Variants in HS3ST4 observed in about 807,000 individuals in gnomAD.
The protein encoded by HS3ST4 is heparan sulfate-glucosamine 3-sulfotransferase 4, also known as heparan sulfate glucosamine 3-O-sulfotransferase 4.
In HS3ST4, 17 loss-of-function variants were observed where a neutral mutation model predicts 29.2. That is an observed-to-expected ratio of 0.58 (90% CI 0.40 to 0.87). The LOEUF (loss-of-function observed/expected upper bound fraction) is 0.87. Ranked by LOEUF, HS3ST4 falls within the 40% of genes least tolerant of loss-of-function variation. The probability of loss-of-function intolerance (pLI) is 0.00; values close to 1 mark genes in which losing one functional copy is unlikely to be tolerated. For missense variants in HS3ST4, 627 were observed against 634.5 expected, an observed-to-expected ratio of 0.99 and a Z score of 0.13; for synonymous variants, 314 against 285.7, an observed-to-expected ratio of 1.10 and a Z score of -1.00.
At chr16:25,753,536 G>A (rs1420530338) in intron 1 of HS3ST4, among the ~76,000 whole-genome samples, 4 of 151,590 alleles carry the variant, frequency 2.6e-5, no homozygotes, top group Middle Eastern at 3.4e-3. Context: ...AGCTCTTTAC[G>A]CATTTGTGTT....
chr16:26,113,070 G>A (rs866001898), intron 1 of HS3ST4, among the ~76,000 whole-genome samples: 3 of 152,192 alleles, frequency 2.0e-5, no homozygotes, highest in Non-Finnish European at 4.4e-5. Context: ...AAATGAGTAA[G>A]TAGTGCCATA....
intron 1 of HS3ST4, among the ~76,000 whole-genome samples, chr16:26,047,287 C>T (rs1271862318): frequency 6.6e-6 from 1 of 152,174 alleles, no homozygotes; most frequent in African/African-American, 2.4e-5. Flanking sequence ...AAGTGCCTGG[C>T]TTTATTTTTC....
At chr16:26,080,936 G>C (rs1409507879) in intron 1 of HS3ST4, among the ~76,000 whole-genome samples, 1 of 152,150 alleles carries the variant, frequency 6.6e-6, no homozygotes, top group Admixed American at 6.5e-5. Context: ...CGGACCAGCA[G>C]CTAAGAGCTT....
Position 25,697,823 on chromosome 16 carries a change from C to T in HS3ST4, c.734+4672C>T, listed in dbSNP as rs149923198. On this transcript the variant is annotated intron_variant, in intron 1 of 1. Coordinates refer to ENST00000331351, the MANE Select transcript of HS3ST4 (RefSeq NM_006040.3). ...GAGTAGCTGGGACTACAGGTGCGCA[C>T]CACCACGTCCAGCAAATTTTTGTAT... Among the ~76,000 whole-genome samples, 932 of 152,240 alleles carry T rather than the reference C, an allele frequency of 6.1e-3. 8 individuals are homozygous for T. Among genetic ancestry groups the T allele is most frequent in the African/African-American group, 0.021 (870 of 41,540 alleles).
intron 1 of HS3ST4, among the ~76,000 whole-genome samples, chr16:25,948,852 C>T (rs1429042178): frequency 6.6e-6 from 1 of 152,114 alleles, no homozygotes; most frequent in Non-Finnish European, 1.5e-5. Context: ...GCAGCAATGC[C>T]GTTGTTAAGC....
intron 1 of HS3ST4, among the ~76,000 whole-genome samples, chr16:25,894,978 C>T (rs1175432726): frequency 2.6e-5 from 4 of 152,032 alleles, no homozygotes; most frequent in Admixed American, 6.6e-5. Flanking sequence ...GGGAGATGAG[C>T]GAATAAAAAT....
chr16:25,696,771 C>G (rs1279544953), intron 1 of HS3ST4, among the ~76,000 whole-genome samples: 1 of 152,220 alleles, frequency 6.6e-6, no homozygotes, highest in African/African-American at 2.4e-5. Context: ...CAGTGCTCAG[C>G]AGCATATTTT....
intron 1 of HS3ST4, among the ~76,000 whole-genome samples, chr16:25,918,073 T>G (rs969727590): frequency 5.3e-5 from 8 of 152,174 alleles, no homozygotes; most frequent in Non-Finnish European, 7.3e-5. Context: ...CAACATTTGT[T>G]TTACCTTTCT....
At chr16:25,890,194 C>T (rs1404309218) in intron 1 of HS3ST4, among the ~76,000 whole-genome samples, 2 of 152,168 alleles carry the variant, frequency 1.3e-5, no homozygotes, top group African/African-American at 4.8e-5. Context: ...ATGGAGGTTA[C>T]ACAATTTGCC....
chr16:25,714,643 A>G (rs933924686), intron 1 of HS3ST4, among the ~76,000 whole-genome samples: 3 of 152,132 alleles, frequency 2.0e-5, no homozygotes, highest in East Asian at 1.9e-4. Flanking sequence ...CTTGTTTGTT[A>G]TATGTTGATG....
chr16:26,069,677 G>A (rs562259083), intron 1 of HS3ST4, among the ~76,000 whole-genome samples: 1 of 151,180 alleles, frequency 6.6e-6, no homozygotes, highest in Non-Finnish European at 1.5e-5. Flanking sequence ...ATCTACATTA[G>A]GTATATCTCC....
chr16:25,719,394 T>G (rs1243293578), intron 1 of HS3ST4, among the ~76,000 whole-genome samples: 1 of 152,042 alleles, frequency 6.6e-6, no homozygotes, highest in Non-Finnish European at 1.5e-5. Context: ...AATCACAATT[T>G]AGCTTAATAA....
chr16:25,960,417 G>A (rs1303225360), intron 1 of HS3ST4, among the ~76,000 whole-genome samples: 1 of 152,168 alleles, frequency 6.6e-6, no homozygotes, highest in Non-Finnish European at 1.5e-5. Context: ...TAAACACTGG[G>A]ATTCAACCCA....
intron 1 of HS3ST4, among the ~76,000 whole-genome samples, chr16:26,048,132 T>C (rs1440633801): frequency 6.6e-6 from 1 of 152,232 alleles, no homozygotes; most frequent in Non-Finnish European, 1.5e-5. Context: ...TGGGTGTCTG[T>C]GTCTTCATCT....
chr16:26,076,039 G>C (rs535406458), intron 1 of HS3ST4, among the ~76,000 whole-genome samples: 1 of 152,198 alleles, frequency 6.6e-6, no homozygotes, highest in African/African-American at 2.4e-5. Context: ...TTCACCACTA[G>C]TCAGTCCCAG....
At chr16:25,956,249 G>A (rs908907204) in intron 1 of HS3ST4, among the ~76,000 whole-genome samples, 5 of 152,108 alleles carry the variant, frequency 3.3e-5, no homozygotes, top group African/African-American at 1.2e-4. Context: ...CCATGATTTC[G>A]TTCATATTGG....
rs1016872699 is a variant in HS3ST4 at position 25,741,436 on chromosome 16, A to G, written c.734+48285A>G. 5.4e-5 allele frequency among the ~76,000 whole-genome samples: 8 copies of G among 149,180 alleles called. No homozygotes were observed. The Admixed American group carries it at 5.4e-4, about 10-fold the overall frequency. On this transcript the variant is annotated intron_variant, in intron 1 of 1. Transcript: ENST00000331351. ...CAATGGGGCCAGATTTTAGGATTAT[A>G]CATAACTGTACAAAGTACTTTGAGG... is the stretch of plus-strand genomic sequence containing the variant.
At chr16:25,853,296 G>A (rs565897624) in intron 1 of HS3ST4, among the ~76,000 whole-genome samples, 8 of 105,930 alleles carry the variant, frequency 7.6e-5, no homozygotes, top group African/African-American at 2.8e-4. Flanking sequence ...ATCTTTGTGA[G>A]TGTGTGTGTG....
intron 1 of HS3ST4, among the ~76,000 whole-genome samples, chr16:26,038,444 A>C (rs977341550): frequency 6.6e-6 from 1 of 152,030 alleles, no homozygotes; most frequent in Non-Finnish European, 1.5e-5. Flanking sequence ...TTTCCCCACT[A>C]TAGCCCCAGC....
Sources: allele counts gnomAD v4.1 joint callset (sites outside exome capture counted in the v4.1 genomes callset), GRCh38; gene constraint gnomAD v4.1.1; transcripts MANE v1.5; gene names NCBI Gene and HGNC (gene_info 2026-07-23, HGNC 2026-07-21).